PAK3: variants seen among roughly 807,000 people sequenced by gnomAD.
PAK3 encodes p21 (RAC1) activated kinase 3.
A neutral mutation model predicts 41.0 loss-of-function variants in PAK3; 4 were observed. The observed-to-expected ratio is 0.10, with a 90% CI of 0.05 to 0.22. The LOEUF (loss-of-function observed/expected upper bound fraction) is 0.22, where lower values mean the gene tolerates loss of function less well. Among genes scored for constraint, PAK3 ranks in the 10% least tolerant of loss-of-function variants. PAK3 has a pLI of 1.00. For missense variants in PAK3, 205 were observed against 409.9 expected, an observed-to-expected ratio of 0.50 and a Z score of 4.32; for synonymous variants, 146 against 139.6, an observed-to-expected ratio of 1.05 and a Z score of -0.32.
intron 16 of PAK3, among the ~76,000 whole-genome samples, chrX:111,213,622 A>G (rs1019456050): frequency 1.8e-5 from 2 of 111,902 alleles, no homozygotes; most frequent in African/African-American, 6.5e-5. Flanking sequence ...GAGTCTGGGA[A>G]AGGAAGAAAG....
chrX:110,982,386 C>G (rs904931082), intron 1 of PAK3, among the ~76,000 whole-genome samples: 1 of 112,026 alleles, frequency 8.9e-6, no homozygotes, highest in African/African-American at 3.2e-5. Context: ...CTCTGCTTTT[C>G]TTTTATTCAG....
At chrX:111,055,134 G>T (rs1156397453) in intron 1 of PAK3, among the ~76,000 whole-genome samples, 4 of 111,779 alleles carry the variant, frequency 3.6e-5, no homozygotes, top group African/African-American at 9.8e-5. Context: ...TATTTACATG[G>T]ACTCTTTGCC....
At chrX:111,074,556 A>T (rs946172244) in intron 1 of PAK3, among the ~76,000 whole-genome samples, 1 of 111,977 alleles carries the variant, frequency 8.9e-6, no homozygotes, top group South Asian at 3.8e-4. Context: ...CTAATAAACC[A>T]TTCTTTACAA....
At chrX:111,052,491 T>C (rs2148792905) in intron 1 of PAK3, among the ~76,000 whole-genome samples, 1 of 112,863 alleles carries the variant, frequency 8.9e-6, no homozygotes, top group East Asian at 2.8e-4. Context: ...CCAGACACTG[T>C]CTTAAGCACC....
chrX:111,000,102 ACTC>A (rs772798781), intron 1 of PAK3, among the ~76,000 whole-genome samples: 1 of 111,433 alleles, frequency 9.0e-6, no homozygotes, highest in Non-Finnish European at 1.9e-5. Flanking sequence ...TTGGTAGAGA[ACTC>A]CTACCATACC....
At chrX:110,996,027 G>C (rs1261074561) in intron 1 of PAK3, among the ~76,000 whole-genome samples, 1 of 111,671 alleles carries the variant, frequency 9.0e-6, no homozygotes, top group Non-Finnish European at 1.9e-5. Flanking sequence ...CAAACTCATT[G>C]GTTCTCAGGC....
chrX:111,006,141 T>C (rs2091919469), intron 1 of PAK3, among the ~76,000 whole-genome samples: 1 of 112,139 alleles, frequency 8.9e-6, no homozygotes, highest in Admixed American at 9.5e-5. Context: ...TTAATTGCTA[T>C]GGAGTTAGGG....
At chrX:111,030,690 G>GA (rs1291487222) in intron 1 of PAK3, among the ~76,000 whole-genome samples, 1 of 110,741 alleles carries the variant, frequency 9.0e-6, no homozygotes, top group Non-Finnish European at 1.9e-5. Flanking sequence ...GCTAGACTGA[G>GA]AAAAAGGAAA....
chrX:111,005,422 C>A (rs1163685945), intron 1 of PAK3, among the ~76,000 whole-genome samples: 1 of 111,628 alleles, frequency 9.0e-6, no homozygotes, highest in Non-Finnish European at 1.9e-5. Flanking sequence ...GCTAGATTGA[C>A]CCAAATTCAT....
intron 13 of PAK3, 113 bp from the exon 14 acceptor site, chrX:111,194,188 A>G (rs923244938): frequency 1.8e-6 from 1 of 571,293 alleles, no homozygotes; most frequent in African/African-American, 2.2e-5. Flanking sequence ...TCTCAAAGGT[A>G]ATGGGCATAG....
At chrX:111,006,732 A>G (rs990753730) in intron 1 of PAK3, among the ~76,000 whole-genome samples, 1 of 111,157 alleles carries the variant, frequency 9.0e-6, no homozygotes, top group African/African-American at 3.3e-5. Context: ...TTTAATGCTC[A>G]TACACATCTC....
intron 1 of PAK3, among the ~76,000 whole-genome samples, chrX:111,014,802 G>A (rs748499534): frequency 1.3e-4 from 15 of 111,408 alleles, no homozygotes; most frequent in Admixed American, 9.5e-4. Context: ...AATATTTGCC[G>A]GCTTCCTTGT....
chrX:111,067,638 T>C (rs1198989794), intron 1 of PAK3, among the ~76,000 whole-genome samples: 2 of 111,999 alleles, frequency 1.8e-5, no homozygotes, highest in African/African-American at 6.5e-5. Flanking sequence ...GTTGAGATGA[T>C]TATGTGATTT....
At position 111,147,772 on chromosome X, in the gene PAK3, T is replaced by C. The variant is rs999367591; in HGVS notation, c.312T>C (p.Thr104=). The C allele has an allele frequency of 9.1e-6, 11 of 1,205,532 alleles. No homozygotes were observed. The highest frequency in any genetic ancestry group is 1.0e-5 in the Non-Finnish European group (9 of 891,176). The change falls in exon 7 of 18, where the codon ACT becomes ACC. Residue 104 remains threonine (T), a synonymous_variant. Transcript: ENST00000372007. ...AGCAATGGGCACGATTACTCCAAAC[T>C]TCCAACATAACAAAATTGGAACAGA... ...IPEQWARLLQ[T]SNITKLEQKK... is the part of the protein sequence containing the mutation.
chrX:110,999,370 T>C (rs2091804921), intron 1 of PAK3, among the ~76,000 whole-genome samples: 1 of 112,122 alleles, frequency 8.9e-6, no homozygotes. Flanking sequence ...GGTGATGGGT[T>C]GGCCCAGTGG....
At position 111,220,963 on chromosome X, in the gene PAK3, CAAACAA is replaced by C. The variant is rs2094925027; in HGVS notation, c.*531_*536del. 5.5e-5 allele frequency: 3 copies of C among 54,509 alleles called. No homozygotes were observed. The highest frequency in any genetic ancestry group is 1.3e-3 in the East Asian group (2 of 1,584). The allele number at this position is 54,509 out of a possible 1,213,427, so 4.5% of individuals were successfully genotyped here. On this transcript the variant is annotated 3_prime_UTR_variant, in exon 18 of 18. Transcript: ENST00000372007. ...AGCAAGGCAAAAAAAAAAAAAAAAA[CAAACAA>C]AAACAAAAACAAAACAAAAACAAGC... is the stretch of plus-strand genomic sequence containing the variant.
chrX:111,198,960 C>A (rs1457905472), intron 16 of PAK3, among the ~76,000 whole-genome samples: 1 of 111,648 alleles, frequency 9.0e-6, no homozygotes, highest in Non-Finnish European at 1.9e-5. Flanking sequence ...TATCCAAGAG[C>A]ATGGAAAGTT....
chrX:111,214,689 T>A (rs1429979868), intron 16 of PAK3, among the ~76,000 whole-genome samples: 1 of 111,218 alleles, frequency 9.0e-6, no homozygotes, highest in Non-Finnish European at 1.9e-5. Context: ...GCCACTAGAT[T>A]AAACGGTTGT....
intron 1 of PAK3, among the ~76,000 whole-genome samples, chrX:111,012,717 G>A (rs753766612): frequency 8.9e-6 from 1 of 112,018 alleles, no homozygotes; most frequent in Non-Finnish European, 1.9e-5. Context: ...GGACATGGTG[G>A]GTACATGGGG....
Sources: allele counts gnomAD v4.1 joint callset (sites outside exome capture counted in the v4.1 genomes callset), GRCh38; gene constraint gnomAD v4.1.1; transcripts MANE v1.5; gene names NCBI Gene and HGNC (gene_info 2026-07-23, HGNC 2026-07-21).